The following MYO1D variants were observed in gnomAD, a reference collection of about 807,000 sequenced individuals.
MYO1D encodes myosin ID.
A neutral mutation model predicts 122.0 loss-of-function variants in MYO1D; 83 were observed. The ratio of observed to expected loss-of-function variants is 0.68; its 90% CI spans 0.57 to 0.82. MYO1D has a LOEUF of 0.82. Among genes scored for constraint, MYO1D ranks in the 40% least tolerant of loss-of-function variants. The probability of loss-of-function intolerance (pLI) is 0.00; values close to 1 mark genes in which losing one functional copy is unlikely to be tolerated. For synonymous variants in MYO1D, 464 were observed against 446.9 expected (o/e 1.04, Z -0.48); for missense variants, 1,157 against 1,269.5 (o/e 0.91, Z 1.35).
chr17:32,717,011 T>A (rs1185304850), intron 15 of MYO1D, among the ~76,000 whole-genome samples: 2 of 152,192 alleles, frequency 1.3e-5, no homozygotes, highest in African/African-American at 4.8e-5. Context: ...AAAATTCAGG[T>A]TCAAACCTAA....
intron 1 of MYO1D, among the ~76,000 whole-genome samples, chr17:32,861,460 C>A (rs1044666829): frequency 1.3e-5 from 2 of 152,158 alleles, no homozygotes; most frequent in African/African-American, 2.4e-5. Flanking sequence ...TCAGCCATCT[C>A]CCAGACCAGA....
At chr17:32,749,125 G>C (rs2089871780) in intron 11 of MYO1D, 119 bp from the exon 12 acceptor site, 2 of 901,596 alleles carry the variant, frequency 2.2e-6, no homozygotes, top group Middle Eastern at 2.8e-4. Context: ...ATTGTGTGGG[G>C]CTTGATTTAA....
At chr17:32,776,417 T>C (rs1319815953) in intron 3 of MYO1D, among the ~76,000 whole-genome samples, 1 of 152,216 alleles carries the variant, frequency 6.6e-6, no homozygotes, top group Non-Finnish European at 1.5e-5. Context: ...CTTAAAAATC[T>C]GGAGGGATCA....
Position 32,494,916 on chromosome 17 carries a change from C to G in MYO1D, c.2865-1G>C. The G allele has an allele frequency of 6.3e-7, 1 of 1,592,480 alleles. No homozygotes were observed. ...GTTCACTTGAAGGTGGCGCTTCTCACTGCAGGAACCAAAAACACCAGACGG... is the reference window on the plus strand; with the variant it reads ...GTTCACTTGAAGGTGGCGCTTCTCAGTGCAGGAACCAAAAACACCAGACGG... On this transcript the variant is annotated splice_acceptor_variant, in intron 21 of 21. Transcript: ENST00000318217. LOFTEE classifies it high-confidence loss of function.
chr17:32,871,293 G>T, intron 1 of MYO1D, among the ~76,000 whole-genome samples: 1 of 152,192 alleles, frequency 6.6e-6, no homozygotes, highest in East Asian at 1.9e-4. Flanking sequence ...TTGACATCTA[G>T]TGAGTAGAGG....
At chr17:32,735,471 C>T (rs148617734) in intron 14 of MYO1D, among the ~76,000 whole-genome samples, 210 of 152,342 alleles carry the variant, frequency 1.4e-3, no homozygotes, top group African/African-American at 4.8e-3. Flanking sequence ...GTATAAGCCG[C>T]CATGTCTGGC....
intron 21 of MYO1D, among the ~76,000 whole-genome samples, chr17:32,526,095 T>A (rs114040842): frequency 2.0e-5 from 3 of 152,156 alleles, no homozygotes; most frequent in Admixed American, 2.0e-4. Context: ...CCAAGAAAGG[T>A]TTAACTGCCC....
At chr17:32,581,780 T>TG (rs1440417323) in intron 21 of MYO1D, among the ~76,000 whole-genome samples, 1 of 151,904 alleles carries the variant, frequency 6.6e-6, no homozygotes, top group African/African-American at 2.4e-5. Flanking sequence ...TGTGTGTGTG[T>TG]TTTGAGATGG....
chr17:32,554,445 T>C (rs754142765), intron 21 of MYO1D, among the ~76,000 whole-genome samples: 2 of 152,280 alleles, frequency 1.3e-5, no homozygotes, highest in Non-Finnish European at 2.9e-5. Context: ...GAAATCTGAT[T>C]AAAGATGACA....
chr17:32,872,415 G>A (rs1188757592), intron 1 of MYO1D, among the ~76,000 whole-genome samples: 2 of 151,832 alleles, frequency 1.3e-5, no homozygotes, highest in Non-Finnish European at 2.9e-5. Flanking sequence ...TGGGACCACA[G>A]GCACCCACCA....
intron 1 of MYO1D, among the ~76,000 whole-genome samples, chr17:32,838,535 G>A (rs951847426): frequency 6.6e-5 from 10 of 152,070 alleles, no homozygotes; most frequent in African/African-American, 2.4e-4. Context: ...GTGAGAAGAT[G>A]GAGACAAGTA....
At chr17:32,519,347 G>A (rs1475978767) in intron 21 of MYO1D, 4 of 152,818 alleles carry the variant, frequency 2.6e-5, no homozygotes, top group African/African-American at 9.6e-5. Context: ...GCGGAGCGCA[G>A]GAAGGGCGGC....
At position 32,514,219 on chromosome 17, in the gene MYO1D, G is replaced by A. The variant is rs1043666603; in HGVS notation, c.2865-19304C>T. Among the ~76,000 whole-genome samples, 27 of 132,006 alleles carry A rather than the reference G, an allele frequency of 2.0e-4. No individual in the cohort carries two copies. In the Admixed American group the frequency reaches 2.1e-3, roughly 10 times the overall value. 86.6% of individuals were successfully genotyped at this position (132,006 alleles called of 152,430 possible). A position where few individuals can be genotyped will look rare whatever the true frequency, so the allele number is the denominator to read the frequency against. Reference sequence around the variant, plus strand: ...TGTGCCACTGCACTCCAGCCTGGGCGACAGAGCAAGACTTTGTCTCAAAAA... The same window carrying A: ...TGTGCCACTGCACTCCAGCCTGGGCAACAGAGCAAGACTTTGTCTCAAAAA... On this transcript the variant is annotated intron_variant, in intron 21 of 21. Coordinates refer to ENST00000318217, the MANE Select transcript of MYO1D (RefSeq NM_015194.3).
intron 21 of MYO1D, among the ~76,000 whole-genome samples, chr17:32,545,531 A>G (rs772064099): frequency 6.6e-6 from 1 of 152,198 alleles, no homozygotes; most frequent in Non-Finnish European, 1.5e-5. Flanking sequence ...TATTAGGAAG[A>G]CACTCACAGA....
At chr17:32,767,001 T>C (rs1180198450) in intron 7 of MYO1D, among the ~76,000 whole-genome samples, 1 of 152,246 alleles carries the variant, frequency 6.6e-6, no homozygotes, top group African/African-American at 2.4e-5. Flanking sequence ...AATCTTGCTA[T>C]ATTAAGTGAA....
Position 32,601,754 on chromosome 17 carries a change from C to T in MYO1D, c.2864+3333G>A, listed in dbSNP as rs1597922843. Among the ~76,000 whole-genome samples the T allele has an allele frequency of 3.3e-5, 5 of 152,236 alleles. No individual in the cohort carries two copies. In the South Asian group the frequency reaches 8.3e-4, roughly 25 times the overall value. ...ATAGACTTGATCAATGCAGGGTTGC[C>T]ATAAACCTTCAATTTATAAAAACCA... is the stretch of plus-strand genomic sequence containing the variant. On this transcript the variant is annotated intron_variant, in intron 21 of 21. Coordinates refer to ENST00000318217, the MANE Select transcript of MYO1D (RefSeq NM_015194.3).
At chr17:32,769,668 T>C (rs758969415) in intron 6 of MYO1D, among the ~76,000 whole-genome samples, 9 of 152,104 alleles carry the variant, frequency 5.9e-5, no homozygotes, top group Admixed American at 2.0e-4. Context: ...TTTATAAATA[T>C]AGATGCAAAC....
intron 1 of MYO1D, among the ~76,000 whole-genome samples, chr17:32,805,270 G>A (rs1223111752): frequency 1.3e-5 from 2 of 152,160 alleles, no homozygotes; most frequent in Admixed American, 6.5e-5. Flanking sequence ...AAGTTGCTGA[G>A]TTTAAGGTAT....
chr17:32,835,333 T>C (rs936185305), intron 1 of MYO1D, among the ~76,000 whole-genome samples: 3 of 152,120 alleles, frequency 2.0e-5, no homozygotes, highest in African/African-American at 4.8e-5. Context: ...TCCTCTAAGC[T>C]CCTATAACAT....
Sources: allele counts gnomAD v4.1 joint callset (sites outside exome capture counted in the v4.1 genomes callset), GRCh38; gene constraint gnomAD v4.1.1; transcripts MANE v1.5; gene names NCBI Gene and HGNC (gene_info 2026-07-23, HGNC 2026-07-21).